The following ASTN2 variants were observed in gnomAD, a reference collection of about 807,000 sequenced individuals.
The protein encoded by ASTN2 is astrotactin 2.
In ASTN2, 54 loss-of-function variants were observed where a neutral mutation model predicts 139.8. That is an observed-to-expected ratio of 0.39 (90% CI 0.31 to 0.48). The LOEUF is 0.48. Among genes scored for constraint, ASTN2 ranks in the 20% least tolerant of loss-of-function variants. The pLI, the probability that ASTN2 is intolerant of heterozygous loss-of-function variation, is 0.95. For missense variants in ASTN2, 1,565 were observed against 1,725.1 expected (o/e 0.91, Z 1.64); for synonymous variants, 756 against 719.5 (o/e 1.05, Z -0.81).
chr9:117,380,597 C>CAA (rs1199618121), intron 1 of ASTN2, among the ~76,000 whole-genome samples: 88 of 92,644 alleles, frequency 9.5e-4, no homozygotes, highest in African/African-American at 2.5e-3. Context: ...GAGCAAGACT[C>CAA]AAAAAAAAAA....
At chr9:116,994,337 C>T (rs1252320901) in intron 7 of ASTN2, among the ~76,000 whole-genome samples, 2 of 152,156 alleles carry the variant, frequency 1.3e-5, no homozygotes, top group Non-Finnish European at 1.5e-5. Context: ...TTTGCTGACT[C>T]CTGCACTGGA....
Position 117,337,859 on chromosome 9 carries a change from G to A in ASTN2, c.443-46346C>T, listed in dbSNP as rs371578345. Among the ~76,000 whole-genome samples, 30 of 152,214 alleles carry A rather than the reference G, an allele frequency of 2.0e-4. 1 individual carries two copies. In the East Asian group the frequency reaches 4.5e-3, roughly 23 times the overall value. Reference sequence around the variant, plus strand: ...AGGCATGGGGGTGGGAGGCCAAGGTGCTCATGACCTCGGGCAAGCCAATAG... The same window carrying A: ...AGGCATGGGGGTGGGAGGCCAAGGTACTCATGACCTCGGGCAAGCCAATAG... On this transcript the variant is annotated intron_variant, in intron 1 of 22. Transcript: ENST00000313400.
chr9:117,184,455 A>G (rs986462668), intron 3 of ASTN2, among the ~76,000 whole-genome samples: 1 of 152,104 alleles, frequency 6.6e-6, no homozygotes, highest in Non-Finnish European at 1.5e-5. Context: ...TGAGGAAGTG[A>G]TATCTCTGTC....
intron 3 of ASTN2, among the ~76,000 whole-genome samples, chr9:117,195,403 C>G (rs966339513): frequency 6.6e-6 from 1 of 152,046 alleles, no homozygotes; most frequent in Non-Finnish European, 1.5e-5. Context: ...TGGAGGGCAA[C>G]TTTAAGTTGG....
At chr9:117,090,804 T>G (rs1237210910) in intron 5 of ASTN2, among the ~76,000 whole-genome samples, 1 of 152,210 alleles carries the variant, frequency 6.6e-6, no homozygotes, top group Non-Finnish European at 1.5e-5. Context: ...CTGAATCTAA[T>G]GCCAGTCCTA....
chr9:116,595,118 AG>A (rs1854513584), intron 19 of ASTN2, among the ~76,000 whole-genome samples: 2 of 152,186 alleles, frequency 1.3e-5, no homozygotes, highest in African/African-American at 4.8e-5. Flanking sequence ...TCTAAACCTG[AG>A]TTTTCCCACA....
At chr9:117,136,881 T>C (rs1829964078) in intron 4 of ASTN2, among the ~76,000 whole-genome samples, 1 of 152,214 alleles carries the variant, frequency 6.6e-6, no homozygotes, top group Non-Finnish European at 1.5e-5. Flanking sequence ...TTGGTATTAT[T>C]AGCACTATTT....
At chr9:116,738,457 C>T (rs571237024) in intron 13 of ASTN2, among the ~76,000 whole-genome samples, 35 of 151,084 alleles carry the variant, frequency 2.3e-4, no homozygotes, top group Non-Finnish European at 4.6e-4. Context: ...GCTGAGATTG[C>T]GCTGAGACTC....
intron 13 of ASTN2, among the ~76,000 whole-genome samples, chr9:116,800,377 C>T (rs1234525131): frequency 6.6e-6 from 1 of 152,164 alleles, no homozygotes; most frequent in Non-Finnish European, 1.5e-5. Flanking sequence ...CTTTATCTTT[C>T]CATGTGAATC....
intron 1 of ASTN2, among the ~76,000 whole-genome samples, chr9:117,347,374 A>G (rs568724993): frequency 2.7e-4 from 41 of 152,134 alleles, no homozygotes; most frequent in African/African-American, 9.9e-4. Flanking sequence ...TGCTCTCACC[A>G]CCACCTGGGA....
intron 20 of ASTN2, among the ~76,000 whole-genome samples, chr9:116,443,939 G>A (rs1403119332): frequency 6.6e-6 from 1 of 152,116 alleles, no homozygotes; most frequent in Non-Finnish European, 1.5e-5. Context: ...AGAATGCTGA[G>A]CCCTGATTGG....
chr9:117,195,546 T>G (rs28660622), intron 3 of ASTN2, among the ~76,000 whole-genome samples: 2,334 of 152,030 alleles, frequency 0.015, 75 homozygotes, highest in African/African-American at 0.054. Context: ...TCAGGAAGAT[T>G]GATGTGGCTT....
At chr9:116,654,265 G>T (rs1858086039) in intron 16 of ASTN2, among the ~76,000 whole-genome samples, 1 of 152,194 alleles carries the variant, frequency 6.6e-6, no homozygotes, top group Non-Finnish European at 1.5e-5. Flanking sequence ...ATTGTGAATA[G>T]CTGCAAGGAC....
At chr9:116,593,605 A>C (rs1389201890) in intron 19 of ASTN2, among the ~76,000 whole-genome samples, 1 of 152,228 alleles carries the variant, frequency 6.6e-6, no homozygotes, top group Non-Finnish European at 1.5e-5. Flanking sequence ...TTCTTAACTG[A>C]GAATGAGAAG....
chr9:116,689,982 G>T (rs548896925), intron 16 of ASTN2, among the ~76,000 whole-genome samples: 3 of 152,292 alleles, frequency 2.0e-5, no homozygotes, highest in Non-Finnish European at 4.4e-5. Context: ...CCCTGGAACA[G>T]AATTTGGCTC....
At chr9:117,168,725 T>TA (rs1219227503) in intron 3 of ASTN2, among the ~76,000 whole-genome samples, 2 of 152,132 alleles carry the variant, frequency 1.3e-5, no homozygotes, top group Non-Finnish European at 2.9e-5. Flanking sequence ...TAACTCATAG[T>TA]AAAAAATACG....
intron 10 of ASTN2, among the ~76,000 whole-genome samples, chr9:116,921,323 T>G (rs1054337499): frequency 2.0e-5 from 3 of 152,174 alleles, no homozygotes; most frequent in African/African-American, 7.2e-5. Context: ...GCGTGGTGGC[T>G]CACGCCTGTA....
chr9:117,350,736 A>AT (rs2130879767), intron 1 of ASTN2, among the ~76,000 whole-genome samples: 1 of 152,260 alleles, frequency 6.6e-6, no homozygotes, highest in South Asian at 2.1e-4. Context: ...AATGAAGACA[A>AT]TACTGTAAAG....
At chr9:116,772,329 T>C (rs1829973583) in intron 13 of ASTN2, among the ~76,000 whole-genome samples, 1 of 152,146 alleles carries the variant, frequency 6.6e-6, no homozygotes, top group African/African-American at 2.4e-5. Context: ...CTGATGGTTT[T>C]ATAATGGGCA....
Sources: allele counts gnomAD v4.1 joint callset (sites outside exome capture counted in the v4.1 genomes callset), GRCh38; gene constraint gnomAD v4.1.1; transcripts MANE v1.5; gene names NCBI Gene and HGNC (gene_info 2026-07-23, HGNC 2026-07-21).